The following ALPK3 variants were observed in gnomAD, a reference collection of about 807,000 sequenced individuals.
ALPK3 encodes alpha kinase 3, also known as alpha-protein kinase 3.
Under a neutral mutation model 140.0 loss-of-function variants are expected in ALPK3, and 102 were observed. The observed-to-expected ratio is 0.73, with a 90% confidence interval of 0.62 to 0.86. The LOEUF is 0.86. ALPK3 is among the 40% of genes least tolerant of loss of function. ALPK3 has a pLI of 0.00. For missense variants in ALPK3, 2,254 were observed against 2,208.2 expected (o/e 1.02, Z -0.42); for synonymous variants, 938 against 898.5 (o/e 1.04, Z -0.79).
chr15:84,869,529 A>G lies in ALPK3; in HGVS notation c.*1073A>G, dbSNP rs568255093. The G allele has an allele frequency of 4.6e-5, 7 of 152,196 alleles. No individual in the cohort carries two copies. Among genetic ancestry groups the G allele is most frequent in the Non-Finnish European group, 1.0e-4 (7 of 68,068 alleles). 9.4% of individuals were successfully genotyped at this position (152,196 alleles called of 1,614,324 possible). On this transcript the variant is annotated 3_prime_UTR_variant, in exon 14 of 14. Transcript: ENST00000258888. ...TAGGAGGGATGCAGTCTATCCATGC[A>G]CTTGGGTGGAGGGGAGTCTCTGTGC...
chr15:84,823,825 C>G (rs1308071745), intron 2 of ALPK3, among the ~76,000 whole-genome samples: 1 of 152,232 alleles, frequency 6.6e-6, no homozygotes, highest in African/African-American at 2.4e-5. Context: ...ATCCTCCTGC[C>G]TCAGCCTTCT....
At chr15:84,829,371 A>G (rs1424544627) in intron 3 of ALPK3, among the ~76,000 whole-genome samples, 1 of 152,276 alleles carries the variant, frequency 6.6e-6, no homozygotes, top group African/African-American at 2.4e-5. Context: ...ACTTGAAACA[A>G]AAGACACACA....
At position 84,862,742 on chromosome 15, in the gene ALPK3, G is replaced by A. The variant is rs775358435; in HGVS notation, c.4237G>A (p.Gly1413Arg). ...GCGACTGGTAAGCGAGGAGCTCCGA[G>A]GGGGTGGATATGGGTGTGGCCTTCG... ...FGRLVSEELR[G>R]GGYGCGLRKA... is the part of the protein sequence containing the mutation. Residue 1413 changes from glycine (G) to arginine (R), a missense_variant, in exon 10 of 14, where the codon GGG (glycine) becomes AGG (arginine). Physicochemically the swap from Gly to Arg is moderately radical, Grantham distance 125 (BLOSUM62 -2). This residue lies in a region of ALPK3 where 2,088 missense variants were observed against 2,022.9 expected (regional missense o/e 1.03). Coordinates refer to ENST00000258888, the MANE Select transcript of ALPK3 (RefSeq NM_020778.5). The A allele has an allele frequency of 3.7e-6, 6 of 1,614,070 alleles. No homozygotes were observed. In the Admixed American group the frequency reaches 6.7e-5, roughly 18 times the overall value.
chr15:84,841,995 A>G (rs900772099), intron 5 of ALPK3, among the ~76,000 whole-genome samples: 1 of 152,188 alleles, frequency 6.6e-6, no homozygotes, highest in Admixed American at 6.5e-5. Flanking sequence ...TGAAGTCCCA[A>G]TTTAACTGGG....
intron 4 of ALPK3, 95 bp downstream of exon 4, chr15:84,839,192 G>A: frequency 9.7e-7 from 1 of 1,033,416 alleles, no homozygotes; most frequent in East Asian, 2.6e-5. Flanking sequence ...GGATGGAGAT[G>A]CCCAGGCACT....
chr15:84,872,901 C>G lies in ALPK3; in HGVS notation c.*4445C>G, dbSNP rs1964090460. On this transcript the variant is annotated 3_prime_UTR_variant, in exon 14 of 14. Coordinates refer to ENST00000258888, the MANE Select transcript of ALPK3 (RefSeq NM_020778.5). ...AAGGTCTGGAAATCAAGTGGGAGAT[C>G]TTGACTTTACCTTGGCACTTGAGAC... is the stretch of plus-strand genomic sequence containing the variant. 1 of 152,180 alleles carries G rather than the reference C, an allele frequency of 6.6e-6. No homozygotes were observed. Among genetic ancestry groups the G allele is most frequent in the African/African-American group, 2.4e-5 (1 of 41,426 alleles). 9.4% of individuals were successfully genotyped at this position (152,180 alleles called of 1,614,324 possible).
rs965836866 is a variant in ALPK3 at position 84,868,765 on chromosome 15, C to T, written c.*309C>T. The stretch of plus-strand genomic sequence containing the variant: ...GTTTACACTTTGCCACTGCTGGAGG[C>T]TCCCCTGAGTCCTCTGCATGAGTTC... On this transcript the variant is annotated 3_prime_UTR_variant, in exon 14 of 14. Coordinates refer to ENST00000258888, the MANE Select transcript of ALPK3 (RefSeq NM_020778.5). 2 of 407,302 alleles carry T rather than the reference C, an allele frequency of 4.9e-6. No individual in the cohort carries two copies. The highest frequency in any genetic ancestry group is 2.0e-5 in the African/African-American group (1 of 50,088). The allele number at this position is 407,302 out of a possible 1,614,324, so 25.2% of individuals were successfully genotyped here.
rs1963711372 is a variant in ALPK3 at position 84,844,904 on chromosome 15, C to T, written c.1653+3972C>T. The stretch of plus-strand genomic sequence containing the variant: ...CTTGAAAATGAACCAACTAGAATTC[C>T]AGAGCTGAAAAATACAATAACTAAT... On this transcript the variant is annotated intron_variant, in intron 5 of 13. Transcript: ENST00000258888. Among the ~76,000 whole-genome samples, 3 of 152,050 alleles carry T rather than the reference C, an allele frequency of 2.0e-5. No individual in the cohort carries two copies. The South Asian group carries it at 6.2e-4, about 31-fold the overall frequency.
Position 84,839,696 on chromosome 15 carries a change from C to G in ALPK3, c.423-6C>G. On this transcript the variant is annotated splice_region_variant and splice_polypyrimidine_tract_variant and intron_variant, in intron 4 of 13. Coordinates refer to ENST00000258888, the MANE Select transcript of ALPK3 (RefSeq NM_020778.5). ...GAGAGGTGGCACCTCCCGCTCCTAC[C>G]TCTAGGTGTCGAGAAGAAGATGCCG... 6.3e-7 allele frequency: 1 copy of G among 1,594,776 alleles called. No homozygotes were observed. The highest frequency in any genetic ancestry group is 8.6e-7 in the Non-Finnish European group (1 of 1,169,046).
At chr15:84,830,414 C>T (rs893332107) in intron 3 of ALPK3, among the ~76,000 whole-genome samples, 1 of 152,158 alleles carries the variant, frequency 6.6e-6, no homozygotes, top group Admixed American at 6.5e-5. Flanking sequence ...GTGGTTTCAT[C>T]AGGTCCTGAA....
At chr15:84,833,627 G>C (rs1963567536) in intron 3 of ALPK3, among the ~76,000 whole-genome samples, 1 of 152,182 alleles carries the variant, frequency 6.6e-6, no homozygotes. Context: ...ACAAGGCTAG[G>C]ATGAGTCAGC....
intron 3 of ALPK3, among the ~76,000 whole-genome samples, chr15:84,829,377 ACACAG>A (rs1963521571): frequency 2.0e-5 from 3 of 152,272 alleles, no homozygotes; most frequent in Admixed American, 2.0e-4. Context: ...AACAAAAGAC[ACACAG>A]CAAAGGAGAT....
At chr15:84,830,877 GTGTA>G (rs1395492729) in intron 3 of ALPK3, among the ~76,000 whole-genome samples, 2 of 151,930 alleles carry the variant, frequency 1.3e-5, no homozygotes, top group Non-Finnish European at 1.5e-5. Flanking sequence ...TTGTGTGTGT[GTGTA>G]TGTGTGTGTG....
Position 84,822,097 on chromosome 15 carries a change from G to T in ALPK3, c.144-1233G>T, listed in dbSNP as rs973417269. On this transcript the variant is annotated intron_variant, in intron 1 of 13. Coordinates refer to ENST00000258888, the MANE Select transcript of ALPK3 (RefSeq NM_020778.5). ...TGGGGGACTGCAGCATTTTGTTAGA[G>T]AAGTGGGTTATATGAGGGGTTAAGG... 1.3e-5 allele frequency among the ~76,000 whole-genome samples: 2 copies of T among 152,110 alleles called. 1 individual carries two copies. The highest frequency in any genetic ancestry group is 1.3e-4 in the Admixed American group (2 of 15,276).
chr15:84,859,777 G>A lies in ALPK3; in HGVS notation c.3967G>A (p.Ala1323Thr), dbSNP rs957677669. Residue 1323 changes from alanine (A) to threonine (T), a missense_variant and splice_region_variant, in exon 8 of 14, where the codon GCA (alanine) becomes ACA (threonine). Ala to Thr is a moderately conservative substitution (Grantham distance 58, BLOSUM62 0). This residue lies in a region of ALPK3 where 2,088 missense variants were observed against 2,022.9 expected (regional missense o/e 1.03). Transcript: ENST00000258888. Reference protein sequence around the residue: ...QRPVGEVGRSAGDEGPAALAI... With the variant: ...QRPVGEVGRSTGDEGPAALAI... The stretch of plus-strand genomic sequence containing the variant: ...ACGAGTAGGGTCTCCACTCTGCAGC[G>A]CAGGGGATGAGGGGCCGGCGGCCTT... 9.9e-6 allele frequency: 16 copies of A among 1,611,260 alleles called. No individual in the cohort carries two copies. Among genetic ancestry groups the A allele is most frequent in the African/African-American group, 2.7e-5 (2 of 74,926 alleles).
In ALPK3 at chr15:84,857,651, C is replaced by T; in HGVS notation, c.2913C>T (p.Ser971=). 6.2e-7 allele frequency: 1 copy of T among 1,601,236 alleles called. No homozygotes were observed. Among genetic ancestry groups the T allele is most frequent in the Non-Finnish European group, 8.5e-7 (1 of 1,171,236 alleles). The change falls in exon 6 of 14, where the codon TCC becomes TCT. Residue 971 remains serine, a synonymous_variant. Transcript: ENST00000258888. ...KNYLLLLLKL[S]STETSGAGGE... is the part of the protein sequence containing the mutation. ...ACCTGCTTCTGCTGCTGAAGCTGTCCAGCACAGAGACAAGTGGAGCAGGGG... is the reference window on the plus strand; with the variant it reads ...ACCTGCTTCTGCTGCTGAAGCTGTCTAGCACAGAGACAAGTGGAGCAGGGG...
chr15:84,852,502 A>G (rs552325972), intron 5 of ALPK3: 8 of 261,018 alleles, frequency 3.1e-5, no homozygotes, highest in Non-Finnish European at 4.5e-5. Flanking sequence ...CCTATGTCTT[A>G]TATCTCCCCA....
At position 84,863,618 on chromosome 15, in the gene ALPK3, C is replaced by T. The variant is rs1963972896; in HGVS notation, c.4477C>T (p.Pro1493Ser). 1 of 1,614,060 alleles carries T rather than the reference C, an allele frequency of 6.2e-7. No individual in the cohort carries two copies. Among genetic ancestry groups the T allele is most frequent in the Non-Finnish European group, 8.5e-7 (1 of 1,179,974 alleles). ...KIFAAEARAA[P>S]GFGEVPEIIP... Reference sequence around the variant, plus strand: ...CTTCGCAGCAGAAGCCCGGGCCGCGCCTGGCTTTGGGGAGGTGCCTGAGTA... The same window carrying T: ...CTTCGCAGCAGAAGCCCGGGCCGCGTCTGGCTTTGGGGAGGTGCCTGAGTA... The change falls in exon 11 of 14, where the codon CCT (proline) becomes TCT (serine). Residue 1493 changes from proline (P) to serine (S), a missense_variant. By Grantham distance (74) the Pro-to-Ser change is moderately conservative. Coordinates refer to ENST00000258888, the MANE Select transcript of ALPK3 (RefSeq NM_020778.5).
intron 5 of ALPK3, among the ~76,000 whole-genome samples, chr15:84,841,315 A>G (rs745662932): frequency 2.6e-5 from 4 of 152,156 alleles, no homozygotes; most frequent in Non-Finnish European, 5.9e-5. Flanking sequence ...TGTGCGCTGT[A>G]GTGTACAGCA....
Sources: gnomAD v4.1 joint callset for allele counts (sites outside exome capture counted in the v4.1 genomes callset) on GRCh38, gnomAD v4.1.1 for gene constraint, gnomAD v4.1.1 regional missense constraint, MANE v1.5 for transcripts, NCBI Gene and HGNC (gene_info 2026-07-23, HGNC 2026-07-21) for gene names.